The following TLN2 variants were observed in gnomAD, a reference collection of about 807,000 sequenced individuals.
TLN2 encodes talin-2.
TLN2 carries 118 observed loss-of-function variants against 294.7 expected under a neutral mutation model. That is an observed-to-expected ratio of 0.40 (90% CI 0.34 to 0.47). The LOEUF (loss-of-function observed/expected upper bound fraction) is 0.47, where lower values mean the gene tolerates loss of function less well. Among genes scored for constraint, TLN2 ranks in the 20% least tolerant of loss-of-function variants. The pLI, the probability that TLN2 is intolerant of heterozygous loss-of-function variation, is 0.84. For synonymous variants in TLN2, 1,431 were observed against 1,304.5 expected (o/e 1.10, Z -2.09); for missense variants, 3,083 against 3,282.2 (o/e 0.94, Z 1.48).
chr15:62,792,170 T>C (rs2065121119), intron 45 of TLN2, among the ~76,000 whole-genome samples: 1 of 152,202 alleles, frequency 6.6e-6, no homozygotes, highest in Admixed American at 6.5e-5. Context: ...ATATGCTTAA[T>C]ACGGAAACCA....
At chr15:62,782,683 C>G (rs867418685) in intron 44 of TLN2, among the ~76,000 whole-genome samples, 17 of 152,338 alleles carry the variant, frequency 1.1e-4, no homozygotes, top group African/African-American at 3.8e-4. Context: ...CACTCACTCT[C>G]GTGCAGCTCA....
chr15:62,781,045 CCT>C, intron 43 of TLN2, 93 bp from the exon 44 acceptor site: 1 of 885,496 alleles, frequency 1.1e-6, no homozygotes, highest in South Asian at 1.6e-5. Flanking sequence ...TCTCTGAGGC[CCT>C]CTCTGTTTTT....
intron 1 of TLN2, among the ~76,000 whole-genome samples, chr15:62,519,687 A>C (rs544153192): frequency 6.6e-6 from 1 of 152,244 alleles, no homozygotes; most frequent in Non-Finnish European, 1.5e-5. Context: ...GAAGAGTATA[A>C]TGTGTAGCAG....
In TLN2 at chr15:62,674,894, C is replaced by T. The variant is rs376606046; in HGVS notation, c.853-323C>T. ...AGTCTTGGCTCTCAACCATTTGGGA[C>T]GTGGAGTCCTTTGACAATGTGATTA... On this transcript the variant is annotated intron_variant, in intron 10 of 58. Transcript: ENST00000636159. Among the ~76,000 whole-genome samples, 4 of 152,190 alleles carry T rather than the reference C, an allele frequency of 2.6e-5. No homozygotes were observed. In the East Asian group the frequency reaches 5.8e-4, roughly 22 times the overall value.
At chr15:62,805,209 A>G (rs1044020878) in intron 50 of TLN2, among the ~76,000 whole-genome samples, 16 of 137,802 alleles carry the variant, frequency 1.2e-4, no homozygotes, top group Admixed American at 7.5e-4. Context: ...CCCTGAAACC[A>G]GCACTGGGAC....
At chr15:62,743,436 CCT>C (rs2061447016) in intron 32 of TLN2, among the ~76,000 whole-genome samples, 2 of 152,036 alleles carry the variant, frequency 1.3e-5, no homozygotes, top group South Asian at 4.2e-4. Context: ...ATGTCTTTTT[CCT>C]CTGTTCTTAA....
chr15:62,778,005 C>T (rs187525980), intron 43 of TLN2, among the ~76,000 whole-genome samples: 1 of 152,318 alleles, frequency 6.6e-6, no homozygotes, highest in Admixed American at 6.5e-5. Context: ...TTGAAATGTC[C>T]ATTGTCAGAT....
chr15:62,776,863 G>A lies in TLN2; in HGVS notation c.5467G>A (p.Gly1823Arg), dbSNP rs932447354. ...GCTGAACGAAGCTGCCAGTGAAGTG[G>A]GGCTGGTTGGGGGCATGGTGGACGC... ...VTLNEAASEV[G>R]LVGGMVDAIA... Residue 1823 changes from glycine (G) to arginine (R), a missense_variant, in exon 43 of 59, where the codon GGG becomes AGG. Coordinates refer to ENST00000636159, the MANE Select transcript of TLN2 (RefSeq NM_015059.3). The A allele has an allele frequency of 3.1e-6, 5 of 1,598,728 alleles. No individual in the cohort carries two copies. The highest frequency in any genetic ancestry group is 4.3e-6 in the Non-Finnish European group (5 of 1,172,370).
chr15:62,641,134 A>T (rs1473899991), intron 3 of TLN2, among the ~76,000 whole-genome samples: 1 of 152,140 alleles, frequency 6.6e-6, no homozygotes, highest in African/African-American at 2.4e-5. Flanking sequence ...ATAAAGGGCT[A>T]ACTAGAAGGT....
rs567500968 is a variant in TLN2 at position 62,738,495 on chromosome 15, A to T, written c.3687+162A>T. ...GTTTTCCATGTTTTGCTGTCTGATC[A>T]ACAAAGTTCCCAGGTGGAGCTTTTA... On this transcript the variant is annotated intron_variant, in intron 30 of 58. Transcript: ENST00000636159. Among the ~76,000 whole-genome samples the T allele has an allele frequency of 3.1e-4, 47 of 152,334 alleles. 1 individual carries two copies. The South Asian group carries it at 9.7e-3, about 32-fold the overall frequency.
chr15:62,835,411 G>A (rs2069406351), intron 55 of TLN2: 3 of 371,972 alleles, frequency 8.1e-6, no homozygotes, highest in South Asian at 7.3e-5. Flanking sequence ...AGAAAGCTCA[G>A]CAGAGGAGTA....
At chr15:62,829,891 G>C (rs1424975061) in intron 54 of TLN2, 1 of 152,154 alleles carries the variant, frequency 6.6e-6, no homozygotes, top group Non-Finnish European at 1.5e-5. Context: ...AACATACAAT[G>C]TTTGTCTTTC....
At chr15:62,837,001 A>G (rs535884714) in intron 57 of TLN2, among the ~76,000 whole-genome samples, 5 of 152,330 alleles carry the variant, frequency 3.3e-5, no homozygotes, top group African/African-American at 1.2e-4. Flanking sequence ...TCAACTGATT[A>G]TGCCAGAATT....
At chr15:62,563,373 G>C (rs1045759596) in intron 1 of TLN2, among the ~76,000 whole-genome samples, 1 of 152,144 alleles carries the variant, frequency 6.6e-6, no homozygotes, top group Non-Finnish European at 1.5e-5. Flanking sequence ...TGTTCATTTT[G>C]TTGGCCGTTT....
At chr15:62,748,258 A>T in intron 32 of TLN2, 93 bp from the exon 33 acceptor site, 1 of 969,386 alleles carries the variant, frequency 1.0e-6, no homozygotes, top group South Asian at 1.4e-5. Flanking sequence ...TGAAATAGTG[A>T]ATTAATTGTA....
intron 2 of TLN2, among the ~76,000 whole-genome samples, chr15:62,600,457 G>T (rs911247383): frequency 3.3e-5 from 5 of 152,186 alleles, no homozygotes; most frequent in Non-Finnish European, 7.3e-5. Flanking sequence ...GTAGCCTGCT[G>T]CTAAGCAGTT....
At chr15:62,695,451 C>T (rs2058260840) in intron 14 of TLN2, among the ~76,000 whole-genome samples, 2 of 152,136 alleles carry the variant, frequency 1.3e-5, no homozygotes, top group Non-Finnish European at 2.9e-5. Context: ...ATCTATCTTT[C>T]CCAGTCCACG....
chr15:62,454,904 G>C (rs972366555), intron 1 of TLN2, among the ~76,000 whole-genome samples: 1 of 152,096 alleles, frequency 6.6e-6, no homozygotes, highest in Non-Finnish European at 1.5e-5. Context: ...GGCAGGTGGG[G>C]AGAGAAGAGG....
At chr15:62,495,148 A>C (rs1030099840) in intron 1 of TLN2, among the ~76,000 whole-genome samples, 1 of 151,834 alleles carries the variant, frequency 6.6e-6, no homozygotes, top group African/African-American at 2.4e-5. Flanking sequence ...AGAAAATGGA[A>C]CTCCTGGAGG....
Sources: allele counts gnomAD v4.1 joint callset (sites outside exome capture counted in the v4.1 genomes callset), GRCh38; gene constraint gnomAD v4.1.1; transcripts MANE v1.5; gene names NCBI Gene and HGNC (gene_info 2026-07-23, HGNC 2026-07-21).